NTRK3: variants seen among roughly 807,000 people sequenced by gnomAD.
NTRK3 encodes the protein NT-3 growth factor receptor.
A neutral mutation model predicts 91.7 loss-of-function variants in NTRK3; 24 were observed. The observed-to-expected ratio is 0.26, with a 90% confidence interval of 0.19 to 0.37. NTRK3 has a LOEUF of 0.37. NTRK3 is among the 10% of genes least tolerant of loss of function. The pLI, the probability that NTRK3 is intolerant of heterozygous loss-of-function variation, is 1.00. For synonymous variants in NTRK3, 483 were observed against 404.0 expected, an observed-to-expected ratio of 1.20 and a Z score of -2.34; for missense variants, 880 against 1,068.9, an observed-to-expected ratio of 0.82 and a Z score of 2.46.
chr15:88,016,413 C>T (rs150645829), intron 14 of NTRK3, among the ~76,000 whole-genome samples: 1 of 152,312 alleles, frequency 6.6e-6, no homozygotes, highest in African/African-American at 2.4e-5. Flanking sequence ...TGAATTGTTC[C>T]TAAATGGCCC....
chr15:87,866,404 A>G (rs901747634), exon 19 of NTRK3: 1 of 173,394 alleles, frequency 5.8e-6, no homozygotes, highest in African/African-American at 2.4e-5. Context: ...AGCATTAAAA[A>G]GTATACATTT....
chr15:88,042,529 C>G (rs981724110), intron 13 of NTRK3, among the ~76,000 whole-genome samples: 1 of 152,230 alleles, frequency 6.6e-6, no homozygotes, highest in Non-Finnish European at 1.5e-5. Context: ...CCGCTCCTCT[C>G]CCTGAATCAT....
chr15:88,098,792 G>A (rs993898915), intron 13 of NTRK3: 3 of 232,962 alleles, frequency 1.3e-5, no homozygotes, highest in Non-Finnish European at 2.5e-5. Flanking sequence ...GAGATGGAGT[G>A]TGAAAGACAG....
intron 3 of NTRK3, among the ~76,000 whole-genome samples, chr15:88,252,185 C>T (rs1005794187): frequency 6.6e-6 from 1 of 152,194 alleles, no homozygotes; most frequent in Non-Finnish European, 1.5e-5. Flanking sequence ...TAGTCCTAAT[C>T]CTGGGGTTCT....
intron 13 of NTRK3, among the ~76,000 whole-genome samples, chr15:88,046,626 T>C (rs1421944637): frequency 6.6e-6 from 1 of 152,136 alleles, no homozygotes; most frequent in Non-Finnish European, 1.5e-5. Flanking sequence ...AGAGGACTTG[T>C]CTAGCCTCCT....
chr15:88,220,228 A>G (rs959935102), intron 3 of NTRK3, among the ~76,000 whole-genome samples: 1 of 152,212 alleles, frequency 6.6e-6, no homozygotes, highest in Non-Finnish European at 1.5e-5. Context: ...AGCTCCCCCA[A>G]GCAAATCAAC....
At chr15:88,165,162 T>C (rs1206283210) in intron 5 of NTRK3, among the ~76,000 whole-genome samples, 1 of 152,164 alleles carries the variant, frequency 6.6e-6, no homozygotes, top group South Asian at 2.1e-4. Context: ...TAAAAGGGCA[T>C]GTGGATGCAT....
intron 14 of NTRK3, among the ~76,000 whole-genome samples, chr15:87,959,807 C>T (rs956001981): frequency 6.6e-6 from 1 of 152,186 alleles, no homozygotes; most frequent in Non-Finnish European, 1.5e-5. Context: ...CTGTGACTCT[C>T]TTCATGGGAA....
chr15:88,066,841 A>C (rs778138048), intron 13 of NTRK3, among the ~76,000 whole-genome samples: 3 of 152,154 alleles, frequency 2.0e-5, no homozygotes, highest in African/African-American at 7.2e-5. Flanking sequence ...ACTCTTGTAC[A>C]GGCAGCCTGC....
intron 11 of NTRK3, among the ~76,000 whole-genome samples, chr15:88,128,159 A>C (rs1465420674): frequency 6.6e-6 from 1 of 152,222 alleles, no homozygotes; most frequent in Non-Finnish European, 1.5e-5. Context: ...TACAGTCCAT[A>C]AACAAAACCC....
At chr15:87,862,626 T>C (rs1567043704) in exon 19 of NTRK3, 2 of 228,120 alleles carry the variant, frequency 8.8e-6, no homozygotes, top group South Asian at 3.6e-4. Flanking sequence ...TCTAAGATGA[T>C]ATCTGTGTGT....
intron 3 of NTRK3, among the ~76,000 whole-genome samples, chr15:88,219,482 C>A (rs2050063433): frequency 6.6e-6 from 1 of 152,238 alleles, no homozygotes; most frequent in African/African-American, 2.4e-5. Flanking sequence ...GGCCTCAATG[C>A]CTATTGGCAA....
At chr15:88,250,250 A>C (rs932447432) in intron 3 of NTRK3, among the ~76,000 whole-genome samples, 9 of 152,358 alleles carry the variant, frequency 5.9e-5, no homozygotes, top group African/African-American at 2.2e-4. Flanking sequence ...GAAGAACCAC[A>C]GACTCCTGAG....
exon 14 of NTRK3, chr15:88,033,030 A>T (rs2142023598): frequency 6.3e-7 from 1 of 1,591,248 alleles, no homozygotes; most frequent in Non-Finnish European, 8.6e-7. Flanking sequence ...CTCACCACTG[A>T]TGACAGCCAC....
At chr15:88,025,400 C>G (rs1345382861) in intron 14 of NTRK3, among the ~76,000 whole-genome samples, 1 of 152,220 alleles carries the variant, frequency 6.6e-6, no homozygotes, top group African/African-American at 2.4e-5. Flanking sequence ...CTCAAAAAAG[C>G]TAGGTCAAAG....
intron 16 of NTRK3, chr15:87,931,300 A>G: frequency 4.0e-6 from 2 of 499,166 alleles, no homozygotes; most frequent in Admixed American, 2.1e-5. Flanking sequence ...GGGGAACAAA[A>G]GGACAAAGTG....
At chr15:88,185,749 C>T (rs1463063196) in intron 3 of NTRK3, among the ~76,000 whole-genome samples, 1 of 152,180 alleles carries the variant, frequency 6.6e-6, no homozygotes, top group Non-Finnish European at 1.5e-5. Flanking sequence ...TCCCCAGCAC[C>T]ACCACACCCG....
chr15:88,119,641 C>G (rs1485266634), intron 13 of NTRK3, among the ~76,000 whole-genome samples: 2 of 152,092 alleles, frequency 1.3e-5, no homozygotes, highest in African/African-American at 2.4e-5. Flanking sequence ...CCAAAGGTAC[C>G]CTCCTCCCTT....
At chr15:87,912,929 AAAATATATATATATATATATATATATAT>A (rs1433854151) in intron 17 of NTRK3, among the ~76,000 whole-genome samples, 1 of 15,090 alleles carries the variant, frequency 6.6e-5, no homozygotes, top group Middle Eastern at 0.045. Context: ...AAAGTAAAAA[AAAATATATATATATATATATATATATAT>A]ATATATATAT....
Sources: gnomAD v4.1 joint callset for allele counts (sites outside exome capture counted in the v4.1 genomes callset) on GRCh38, gnomAD v4.1.1 for gene constraint, MANE v1.5 for transcripts, NCBI Gene and HGNC (gene_info 2026-07-23, HGNC 2026-07-21) for gene names.